S100A8: variants seen among roughly 807,000 people sequenced by gnomAD.
S100A8 encodes the protein protein S100-A8.
Under a neutral mutation model 4.2 loss-of-function variants are expected in S100A8, and 1 was observed. That is an observed-to-expected ratio of 0.24 (90% CI 0.08 to 1.12). The LOEUF (loss-of-function observed/expected upper bound fraction) is 1.12, where lower values mean the gene tolerates loss of function less well. S100A8 is among the 50% of genes most tolerant of loss of function. S100A8 has a pLI of 0.53. For synonymous variants in S100A8, 41 were observed against 44.7 expected (o/e 0.92, Z 0.33); for missense variants, 96 against 111.8 (o/e 0.86, Z 0.64).
the S100A8 span, chr1:153,421,747 A>T: frequency 6.6e-6 from 1 of 152,236 alleles, no homozygotes; most frequent in Non-Finnish European, 1.5e-5. Context: ...CCATCGCTAC[A>T]GTCCAGAAGG....
the S100A8 span, among the ~76,000 whole-genome samples, chr1:153,412,086 G>T: frequency 6.6e-6 from 1 of 152,204 alleles, no homozygotes; most frequent in African/African-American, 2.4e-5. Context: ...AAGACTTCAT[G>T]TCTAAAACAC....
chr1:153,401,786 G>C, the S100A8 span, among the ~76,000 whole-genome samples: 1 of 152,226 alleles, frequency 6.6e-6, no homozygotes, highest in African/African-American at 2.4e-5. Flanking sequence ...TGGTGGTGAA[G>C]AGGATCAAGT....
At chr1:153,399,141 G>C in the S100A8 span, among the ~76,000 whole-genome samples, 37 of 152,288 alleles carry the variant, frequency 2.4e-4, no homozygotes, top group African/African-American at 8.7e-4. Context: ...TGATCCCAGA[G>C]ATTCCCCAAC....
chr1:153,416,634 A>G, the S100A8 span: 1,050 of 414,948 alleles, frequency 2.5e-3, 8 homozygotes, highest in African/African-American at 0.02. Flanking sequence ...GCCTGTAGGA[A>G]GGGAAAGGGC....
chr1:153,390,659 C>T (rs1571167398), intron 1 of S100A8, 102 bp from the exon 2 acceptor site: 1 of 1,421,110 alleles, frequency 7.0e-7, no homozygotes, highest in Non-Finnish European at 9.6e-7. Flanking sequence ...CTTGTCCTGG[C>T]CTGCACTCTC....
upstream of S100A8, among the ~76,000 whole-genome samples, chr1:153,392,536 A>G (rs1204456996): frequency 6.6e-6 from 1 of 152,280 alleles, no homozygotes; most frequent in Non-Finnish European, 1.5e-5. Context: ...TTGTACATTC[A>G]TGTTCATAGC....
chr1:153,411,619 G>A, the S100A8 span, among the ~76,000 whole-genome samples: 1 of 151,976 alleles, frequency 6.6e-6, no homozygotes, highest in Non-Finnish European at 1.5e-5. Context: ...TCACAGAATT[G>A]GGAAAAAACT....
At chr1:153,401,030 C>G in the S100A8 span, among the ~76,000 whole-genome samples, 1 of 152,204 alleles carries the variant, frequency 6.6e-6, no homozygotes, top group East Asian at 1.9e-4. Context: ...CTTTTGTTCA[C>G]TCTGGGACAA....
upstream of S100A8, among the ~76,000 whole-genome samples, chr1:153,395,531 T>C (rs1437006983): frequency 6.6e-6 from 1 of 152,136 alleles, no homozygotes; most frequent in Non-Finnish European, 1.5e-5. Flanking sequence ...CCCATGAAGC[T>C]GTTTACCTCC....
chr1:153,416,244 T>A, the S100A8 span, among the ~76,000 whole-genome samples: 1 of 152,146 alleles, frequency 6.6e-6, no homozygotes, highest in East Asian at 1.9e-4. Context: ...TGCTCTTTTC[T>A]CCCATTTCCT....
chr1:153,414,260 G>A, the S100A8 span, among the ~76,000 whole-genome samples: 3 of 152,110 alleles, frequency 2.0e-5, no homozygotes, highest in Non-Finnish European at 2.9e-5. Context: ...TTCATAAGCT[G>A]GACTTCTTTA....
chr1:153,413,008 T>G, the S100A8 span, among the ~76,000 whole-genome samples: 6 of 152,066 alleles, frequency 3.9e-5, no homozygotes, highest in Non-Finnish European at 8.8e-5. Context: ...CGGGGAGAGA[T>G]AGCATTAGGA....
chr1:153,390,272 A>G, intron 2 of S100A8, 29 bp from the exon 3 acceptor site: 1 of 1,604,324 alleles, frequency 6.2e-7, no homozygotes, highest in Non-Finnish European at 8.5e-7. Context: ...AAGAAGCCAG[A>G]GTTTAAAGAT....
chr1:153,403,567 C>T, the S100A8 span, among the ~76,000 whole-genome samples: 1 of 152,120 alleles, frequency 6.6e-6, no homozygotes, highest in Admixed American at 6.6e-5. Flanking sequence ...CACATTAACC[C>T]CCTCCCCACC....
the S100A8 span, among the ~76,000 whole-genome samples, chr1:153,405,090 C>T: frequency 3.3e-5 from 5 of 151,882 alleles, no homozygotes; most frequent in East Asian, 9.7e-4. Context: ...GAGTCCCCCC[C>T]ACCCCGCACT....
chr1:153,399,380 C>A, the S100A8 span, among the ~76,000 whole-genome samples: 4 of 152,186 alleles, frequency 2.6e-5, no homozygotes, highest in Admixed American at 1.3e-4. Context: ...GGATCTGAAG[C>A]ATCTAAGAAT....
chr1:153,410,515 G>A, the S100A8 span, among the ~76,000 whole-genome samples: 1 of 152,136 alleles, frequency 6.6e-6, no homozygotes, highest in African/African-American at 2.4e-5. Flanking sequence ...AAAAGTCCAA[G>A]ACCAGATGAA....
At chr1:153,409,655 A>C in the S100A8 span, among the ~76,000 whole-genome samples, 19 of 152,340 alleles carry the variant, frequency 1.2e-4, no homozygotes, top group Admixed American at 2.6e-4. Flanking sequence ...ACATCAACAG[A>C]ATATGCATTC....
At chr1:153,412,191 C>A in the S100A8 span, among the ~76,000 whole-genome samples, 4 of 152,140 alleles carry the variant, frequency 2.6e-5, no homozygotes, top group African/African-American at 9.7e-5. Flanking sequence ...TCAGAGTGAA[C>A]AGGCAACCTA....
Sources: allele counts gnomAD v4.1 joint callset (sites outside exome capture counted in the v4.1 genomes callset), GRCh38; gene constraint gnomAD v4.1.1; transcripts MANE v1.5; gene names NCBI Gene and HGNC (gene_info 2026-07-23, HGNC 2026-07-21).